Variants in COP1 observed in about 807,000 individuals in gnomAD.
COP1 encodes E3 ubiquitin-protein ligase COP1.
In COP1, 24 loss-of-function variants were observed where a neutral mutation model predicts 101.3. The observed-to-expected ratio is 0.24, with a 90% confidence interval of 0.17 to 0.33. The LOEUF (loss-of-function observed/expected upper bound fraction) is 0.33. Among genes scored for constraint, COP1 ranks in the 10% least tolerant of loss-of-function variants. COP1 has a pLI of 1.00. For synonymous variants in COP1, 347 were observed against 341.9 expected, an observed-to-expected ratio of 1.01 and a Z score of -0.17; for missense variants, 663 against 906.2, an observed-to-expected ratio of 0.73 and a Z score of 3.45.
At chr1:176,183,040 T>C (rs1383802641) in intron 2 of COP1, among the ~76,000 whole-genome samples, 3 of 152,222 alleles carry the variant, frequency 2.0e-5, no homozygotes, top group South Asian at 2.1e-4. Flanking sequence ...AAAGCAATAA[T>C]ATACATTGCT....
At chr1:176,112,245 TG>T (rs1175854744) in intron 9 of COP1, among the ~76,000 whole-genome samples, 5 of 151,758 alleles carry the variant, frequency 3.3e-5, no homozygotes, top group African/African-American at 1.2e-4. Flanking sequence ...AAATTCTGAT[TG>T]TTTTTCTTTT....
At chr1:176,053,911 T>G (rs1284470947) in intron 11 of COP1, among the ~76,000 whole-genome samples, 1 of 152,190 alleles carries the variant, frequency 6.6e-6, no homozygotes, top group African/African-American at 2.4e-5. Context: ...CCTAGTTAAA[T>G]TTCTCTACTC....
At chr1:176,063,047 GTTTTTTTTTT>G (rs34464104) in intron 11 of COP1, among the ~76,000 whole-genome samples, 3 of 90,606 alleles carry the variant, frequency 3.3e-5, no homozygotes, top group South Asian at 4.1e-4. Flanking sequence ...TTTTGAAAAT[GTTTTTTTTTT>G]TTTTTTTTTT....
At chr1:175,990,624 A>G (rs937843044) in intron 15 of COP1, among the ~76,000 whole-genome samples, 1 of 152,190 alleles carries the variant, frequency 6.6e-6, no homozygotes, top group Non-Finnish European at 1.5e-5. Context: ...TCCCTTAAAT[A>G]TCACAGATTT....
At chr1:176,203,138 C>G (rs1333475678) in intron 1 of COP1, among the ~76,000 whole-genome samples, 1 of 151,504 alleles carries the variant, frequency 6.6e-6, no homozygotes, top group Non-Finnish European at 1.5e-5. Flanking sequence ...GAGATCGAGA[C>G]CATCCTGGCT....
intron 15 of COP1, among the ~76,000 whole-genome samples, chr1:176,019,697 C>A (rs11487335): frequency 1.3e-5 from 2 of 151,326 alleles, no homozygotes; most frequent in African/African-American, 4.9e-5. Flanking sequence ...TACGTTTTTC[C>A]AAAAAATATG....
chr1:176,163,688 C>T (rs1694687137), intron 4 of COP1, 127 bp downstream of exon 4: 1 of 576,964 alleles, frequency 1.7e-6, no homozygotes, highest in South Asian at 2.8e-5. Context: ...TTGACTAGAA[C>T]AATCCTAAAC....
At chr1:176,168,964 T>C (rs1454624583) in intron 3 of COP1, among the ~76,000 whole-genome samples, 1 of 152,198 alleles carries the variant, frequency 6.6e-6, no homozygotes, top group Non-Finnish European at 1.5e-5. Flanking sequence ...TTTCCAACTC[T>C]TTCTTTTCAT....
intron 14 of COP1, among the ~76,000 whole-genome samples, chr1:176,038,424 A>ATT (rs1444698430): frequency 6.6e-6 from 1 of 152,226 alleles, no homozygotes; most frequent in East Asian, 1.9e-4. Context: ...GGCAAAGGAA[A>ATT]TAGAAGAGTT....
At chr1:176,188,958 T>C (rs999093313) in intron 1 of COP1, among the ~76,000 whole-genome samples, 1 of 151,886 alleles carries the variant, frequency 6.6e-6, no homozygotes, top group Non-Finnish European at 1.5e-5. Flanking sequence ...TAGGAAAAAA[T>C]ATGTAGAGAC....
intron 11 of COP1, among the ~76,000 whole-genome samples, chr1:176,066,083 C>T (rs1675913524): frequency 6.6e-6 from 1 of 152,130 alleles, no homozygotes; most frequent in Non-Finnish European, 1.5e-5. Flanking sequence ...CTACATAAGT[C>T]TTTCAAGACT....
At chr1:175,987,141 A>C in intron 17 of COP1, 38 bp from the exon 18 acceptor site, 1 of 1,165,736 alleles carries the variant, frequency 8.6e-7, no homozygotes, top group Admixed American at 2.6e-5. Context: ...TTAGAATAGA[A>C]AAACTCGGAA....
intron 9 of COP1, among the ~76,000 whole-genome samples, chr1:176,116,098 C>T (rs1360178190): frequency 1.3e-5 from 2 of 152,046 alleles, no homozygotes; most frequent in African/African-American, 4.8e-5. Flanking sequence ...TAAAAAACTG[C>T]CAGGGATAGT....
intron 11 of COP1, among the ~76,000 whole-genome samples, chr1:176,066,989 T>C (rs1004616127): frequency 3.9e-5 from 6 of 152,172 alleles, no homozygotes; most frequent in African/African-American, 1.2e-4. Context: ...CCCACTCATA[T>C]GACAACTTAT....
chr1:176,041,637 GC>G (rs1670554462), intron 14 of COP1, among the ~76,000 whole-genome samples: 1 of 152,112 alleles, frequency 6.6e-6, no homozygotes, highest in Non-Finnish European at 1.5e-5. Flanking sequence ...ACAAGCATGA[GC>G]TACCACGCCC....
At chr1:176,037,664 T>A (rs1237524327) in intron 14 of COP1, among the ~76,000 whole-genome samples, 1 of 152,162 alleles carries the variant, frequency 6.6e-6, no homozygotes, top group Non-Finnish European at 1.5e-5. Context: ...AGTCAATGAC[T>A]ATAATTCATA....
intron 9 of COP1, among the ~76,000 whole-genome samples, chr1:176,098,059 A>T (rs941414876): frequency 1.3e-5 from 2 of 152,154 alleles, no homozygotes; most frequent in Non-Finnish European, 2.9e-5. Flanking sequence ...AAATAGGTAA[A>T]CTAAATTATA....
At chr1:175,996,973 G>A (rs1349461662) in intron 15 of COP1, among the ~76,000 whole-genome samples, 1 of 151,368 alleles carries the variant, frequency 6.6e-6, no homozygotes, top group African/African-American at 2.4e-5. Context: ...AAAGCTGGAG[G>A]CATCACACTA....
In COP1 at chr1:176,159,893, A is replaced by G. The variant is rs1000464981; in HGVS notation, c.762+2976T>C. ...TGAAAATAATTACTTCTTAAGTCAG[A>G]TCTAAGACATACGCCAAAATCTTCA... On this transcript the variant is annotated intron_variant, in intron 5 of 19. Coordinates refer to ENST00000367669, the MANE Select transcript of COP1 (RefSeq NM_022457.7). Among the ~76,000 whole-genome samples the G allele has an allele frequency of 2.0e-5, 3 of 152,174 alleles. No homozygotes were observed. In the South Asian group the frequency reaches 6.2e-4, roughly 32 times the overall value.
Sources: allele counts gnomAD v4.1 joint callset (sites outside exome capture counted in the v4.1 genomes callset), GRCh38; gene constraint gnomAD v4.1.1; transcripts MANE v1.5; gene names NCBI Gene and HGNC (gene_info 2026-07-23, HGNC 2026-07-21).